PCDHA1: variants seen among roughly 807,000 people sequenced by gnomAD.
PCDHA1 encodes protocadherin alpha 1.
In PCDHA1, 42 loss-of-function variants were observed where a neutral mutation model predicts 61.3. The ratio of observed to expected loss-of-function variants is 0.69; its 90% confidence interval spans 0.54 to 0.89. The LOEUF (loss-of-function observed/expected upper bound fraction) is 0.89. PCDHA1 is among the 40% of genes least tolerant of loss of function. The pLI is 0.00. For missense variants in PCDHA1, 1,256 were observed against 1,235.3 expected (o/e 1.02, Z -0.25); for synonymous variants, 610 against 553.8 (o/e 1.10, Z -1.43).
chr5:140,924,436 A>T (rs2153572390), intron 1 of PCDHA1, among the ~76,000 whole-genome samples: 1 of 152,318 alleles, frequency 6.6e-6, no homozygotes, highest in East Asian at 1.9e-4. Context: ...CCTAGAAGAG[A>T]TAACGAATGG....
Position 140,883,665 on chromosome 5 carries a change from A to G in PCDHA1, c.2394+94981A>G, listed in dbSNP as rs782383703. 3.7e-6 allele frequency: 6 copies of G among 1,613,494 alleles called. No individual in the cohort carries two copies. The African/African-American group carries it at 8.0e-5, about 22-fold the overall frequency. On this transcript the variant is annotated intron_variant, in intron 1 of 3. Transcript: ENST00000504120. ...CCCGAGTACACGGTGTTCGTGAAGG[A>G]AAACAATCCGCCGGGCTGCCACATC...
chr5:140,972,893 A>T (rs1452751778), intron 1 of PCDHA1, among the ~76,000 whole-genome samples: 1 of 151,858 alleles, frequency 6.6e-6, no homozygotes, highest in African/African-American at 2.4e-5. Context: ...CGATCTCTTG[A>T]CCTTGTGATC....
chr5:140,965,326 A>T (rs184855153), intron 1 of PCDHA1, among the ~76,000 whole-genome samples: 1 of 152,298 alleles, frequency 6.6e-6, no homozygotes, highest in African/African-American at 2.4e-5. Context: ...TACTGAAGTG[A>T]ATTTGTTGTC....
At chr5:140,976,637 A>G (rs781951504) in intron 1 of PCDHA1, among the ~76,000 whole-genome samples, 16 of 152,226 alleles carry the variant, frequency 1.1e-4, no homozygotes, top group Non-Finnish European at 1.5e-4. Flanking sequence ...CAGCAATCAG[A>G]CAAGTAATTT....
At chr5:140,807,692 A>C in intron 1 of PCDHA1, 2 of 1,614,216 alleles carry the variant, frequency 1.2e-6, no homozygotes, top group Non-Finnish European at 1.7e-6. Flanking sequence ...CGCCCTGCTC[A>C]CTTACAGACT....
intron 1 of PCDHA1, chr5:140,861,445 G>T (rs1196401790): frequency 2.0e-6 from 1 of 494,332 alleles, no homozygotes; most frequent in Non-Finnish European, 4.2e-6. Flanking sequence ...AAAAGCCGCA[G>T]AAACCTTCTG....
intron 1 of PCDHA1, chr5:140,863,368 C>A (rs1562578744): frequency 8.4e-7 from 1 of 1,192,682 alleles, no homozygotes; most frequent in Non-Finnish European, 1.2e-6. Flanking sequence ...GTGCTTGGCG[C>A]AGCTCACCGA....
chr5:140,827,082 CTA>C (rs1169627536), intron 1 of PCDHA1, among the ~76,000 whole-genome samples: 2 of 152,100 alleles, frequency 1.3e-5, no homozygotes, highest in African/African-American at 2.4e-5. Context: ...ATTTAACAAA[CTA>C]TTTTCTAGGA....
chr5:140,812,818 T>C (rs1235510383), intron 1 of PCDHA1: 3 of 152,242 alleles, frequency 2.0e-5, no homozygotes, highest in Non-Finnish European at 4.4e-5. Flanking sequence ...TATTGTGTTG[T>C]GTTTTCATTT....
At chr5:141,004,258 A>C (rs1164603441) in intron 3 of PCDHA1, among the ~76,000 whole-genome samples, 1 of 152,232 alleles carries the variant, frequency 6.6e-6, no homozygotes, top group Non-Finnish European at 1.5e-5. Flanking sequence ...TTTTACTGGA[A>C]TGAGTCACAG....
At chr5:140,884,651 T>C in intron 1 of PCDHA1, 1 of 1,604,404 alleles carries the variant, frequency 6.2e-7, no homozygotes. Context: ...GGACTCAGAA[T>C]GCTTGAAAGA....
chr5:140,793,158 T>C (rs899481253), intron 1 of PCDHA1, among the ~76,000 whole-genome samples: 79 of 152,230 alleles, frequency 5.2e-4, no homozygotes, highest in African/African-American at 1.9e-3. Context: ...TGGTAATTTT[T>C]AGTCTAGAAA....
At chr5:140,941,248 T>TTTCTTTCG (rs1563187616) in intron 1 of PCDHA1, among the ~76,000 whole-genome samples, 2 of 141,492 alleles carry the variant, frequency 1.4e-5, no homozygotes, top group Non-Finnish European at 3.1e-5. Context: ...TCTTTCTTTC[T>TTTCTTTCG]TTCTTTCTCT....
At chr5:140,951,948 A>G (rs2153694438) in intron 1 of PCDHA1, among the ~76,000 whole-genome samples, 1 of 152,322 alleles carries the variant, frequency 6.6e-6, no homozygotes, top group South Asian at 2.1e-4. Context: ...GTGCGGGTAC[A>G]GGCATTGGGT....
At position 140,849,885 on chromosome 5, in the gene PCDHA1, G is replaced by A. The variant is rs2150456327; in HGVS notation, c.2394+61201G>A. On this transcript the variant is annotated intron_variant, in intron 1 of 3. Transcript: ENST00000504120. ...CGCGCAGTCCGAGTACACGGTGTTC[G>A]TGAAGGAGAACAACCCGCCGGGCTG... The A allele has an allele frequency of 1.6e-5, 25 of 1,598,614 alleles. 3 individuals carry two copies. Among genetic ancestry groups the A allele is most frequent in the Non-Finnish European group, 2.0e-5 (23 of 1,167,994 alleles).
chr5:140,966,651 C>A, intron 1 of PCDHA1: 1 of 1,159,980 alleles, frequency 8.6e-7, no homozygotes, highest in Non-Finnish European at 1.1e-6. Flanking sequence ...AGAGCGTGAG[C>A]GGTGGGGGAG....
At chr5:140,793,283 GT>G (rs1174528532) in intron 1 of PCDHA1, among the ~76,000 whole-genome samples, 2 of 152,208 alleles carry the variant, frequency 1.3e-5, no homozygotes, top group Non-Finnish European at 2.9e-5. Context: ...ATGGAAGGGT[GT>G]AGACCCAGCT....
chr5:140,949,992 G>A (rs2094439293), intron 1 of PCDHA1, among the ~76,000 whole-genome samples: 1 of 151,522 alleles, frequency 6.6e-6, no homozygotes, highest in African/African-American at 2.4e-5. Flanking sequence ...ACTTTTCTCA[G>A]TCCACTTAAT....
intron 1 of PCDHA1, chr5:140,802,628 G>T: frequency 6.2e-7 from 1 of 1,613,956 alleles, no homozygotes; most frequent in East Asian, 2.2e-5. Flanking sequence ...TCTTCACGGT[G>T]TCTGCGCGGG....
Sources: gnomAD v4.1 joint callset for allele counts (sites outside exome capture counted in the v4.1 genomes callset) on GRCh38, gnomAD v4.1.1 for gene constraint, MANE v1.5 for transcripts, NCBI Gene and HGNC (gene_info 2026-07-23, HGNC 2026-07-21) for gene names.